The following THADA variants were observed in gnomAD, a reference collection of about 807,000 sequenced individuals.
THADA encodes the protein THADA armadillo repeat containing.
In THADA, 213 loss-of-function variants were observed where a neutral mutation model predicts 219.8. That is an observed-to-expected ratio of 0.97 (90% confidence interval 0.87 to 1.09). The LOEUF is 1.09. Ranked by LOEUF, THADA falls within the 50% of genes least tolerant of loss-of-function variation. THADA has a pLI of 0.00. For missense variants in THADA, 2,956 were observed against 2,311.3 expected, an observed-to-expected ratio of 1.28 and a Z score of -5.72; for synonymous variants, 1,018 against 828.9, an observed-to-expected ratio of 1.23 and a Z score of -3.92.
intron 23 of THADA, among the ~76,000 whole-genome samples, chr2:43,507,785 T>C (rs1481141049): frequency 6.6e-6 from 1 of 152,220 alleles, no homozygotes; most frequent in Non-Finnish European, 1.5e-5. Context: ...GGGTCTGATT[T>C]AGTATTGTGA....
chr2:43,504,327 T>C (rs567123191), intron 24 of THADA, among the ~76,000 whole-genome samples: 52 of 152,346 alleles, frequency 3.4e-4, no homozygotes, highest in African/African-American at 1.2e-3. Context: ...ATGTTCCATA[T>C]GACTGTGGAA....
At chr2:43,504,596 T>C (rs1689417846) in intron 24 of THADA, among the ~76,000 whole-genome samples, 1 of 152,178 alleles carries the variant, frequency 6.6e-6, no homozygotes, top group African/African-American at 2.4e-5. Flanking sequence ...TGTCCTACTA[T>C]AGGCTGGGCA....
chr2:43,428,276 G>A, intron 27 of THADA, 45 bp from the exon 28 acceptor site: 1 of 1,528,528 alleles, frequency 6.5e-7, no homozygotes, highest in Non-Finnish European at 8.9e-7. Flanking sequence ...CATTTAGGTA[G>A]TGAAGCACTC....
At chr2:43,491,240 C>T (rs140123568) in intron 25 of THADA, among the ~76,000 whole-genome samples, 290 of 152,274 alleles carry the variant, frequency 1.9e-3, no homozygotes, top group Non-Finnish European at 3.3e-3. Flanking sequence ...AATTCACTGA[C>T]AATAAATGCT....
intron 8 of THADA, among the ~76,000 whole-genome samples, chr2:43,580,131 T>A (rs1190663501): frequency 7.3e-5 from 11 of 151,338 alleles, no homozygotes; most frequent in Admixed American, 7.3e-4. Context: ...TTCAACTGAT[T>A]CCCCTGCCTC....
intron 27 of THADA, 127 bp from the exon 28 acceptor site, chr2:43,428,358 AGC>A: frequency 1.1e-6 from 1 of 914,168 alleles, no homozygotes; most frequent in Non-Finnish European, 1.6e-6. Flanking sequence ...CTGTAATCCC[AGC>A]ACTTTGGGAG....
intron 34 of THADA, among the ~76,000 whole-genome samples, chr2:43,289,773 T>C (rs1674470658): frequency 6.6e-6 from 1 of 151,798 alleles, no homozygotes; most frequent in Non-Finnish European, 1.5e-5. Flanking sequence ...TGCCTCAGCT[T>C]CCTGAGCAGC....
At chr2:43,388,924 T>G (rs1034907194) in intron 29 of THADA, among the ~76,000 whole-genome samples, 1 of 152,302 alleles carries the variant, frequency 6.6e-6, no homozygotes, top group East Asian at 1.9e-4. Context: ...TTCTTACATT[T>G]TTAATCATAA....
intron 29 of THADA, among the ~76,000 whole-genome samples, chr2:43,371,229 A>G (rs987459883): frequency 2.0e-5 from 3 of 152,246 alleles, no homozygotes; most frequent in East Asian, 3.8e-4. Flanking sequence ...TATGAAGTAT[A>G]TAATTCCTTA....
chr2:43,531,806 T>C (rs1027946819), intron 21 of THADA, among the ~76,000 whole-genome samples: 4 of 152,158 alleles, frequency 2.6e-5, no homozygotes, highest in African/African-American at 9.7e-5. Flanking sequence ...TTTTTAGAGG[T>C]AACTATTAAT....
intron 36 of THADA, among the ~76,000 whole-genome samples, chr2:43,235,305 T>C (rs1057172498): frequency 6.6e-6 from 1 of 152,124 alleles, no homozygotes; most frequent in African/African-American, 2.4e-5. Flanking sequence ...GTTGTTGTTT[T>C]GTCTTGAGAC....
chr2:43,553,913 T>A (rs201972462), intron 17 of THADA, among the ~76,000 whole-genome samples: 2 of 152,224 alleles, frequency 1.3e-5, no homozygotes, highest in East Asian at 3.8e-4. Context: ...CATGTGTATA[T>A]CTTCTTTGGA....
rs184980688 is a variant in THADA, at chr2:43,349,630, C to G, written c.4228-5393G>C. Among the ~76,000 whole-genome samples the G allele has an allele frequency of 7.2e-5, 11 of 152,204 alleles. No individual in the cohort carries two copies. The East Asian group carries it at 2.1e-3, about 29-fold the overall frequency. ...TTATAAAATCAACAGCAGCTGAGCT[C>G]CAGAAACCAGCAGGATCCAGCAATA... On this transcript the variant is annotated intron_variant, in intron 29 of 37. Transcript: ENST00000405975.
chr2:43,417,182 C>A (rs1156260868), intron 28 of THADA, among the ~76,000 whole-genome samples: 2 of 144,966 alleles, frequency 1.4e-5, no homozygotes, highest in African/African-American at 5.1e-5. Flanking sequence ...TTTTTTTTTT[C>A]TAGCAACCCT....
At chr2:43,432,074 TCTCGATCTCCTGAC>T (rs1679418828) in intron 26 of THADA, among the ~76,000 whole-genome samples, 1 of 135,724 alleles carries the variant, frequency 7.4e-6, no homozygotes, top group African/African-American at 3.2e-5. Flanking sequence ...GCCGGGATGG[TCTCGATCTCCTGAC>T]CTCGTGATCC....
At chr2:43,467,519 C>T (rs922307545) in intron 26 of THADA, among the ~76,000 whole-genome samples, 3 of 152,184 alleles carry the variant, frequency 2.0e-5, no homozygotes, top group African/African-American at 7.2e-5. Context: ...TACCTACCCA[C>T]ACAGCAAATA....
chr2:43,586,301 G>A, intron 7 of THADA, 100 bp downstream of exon 7: 1 of 965,448 alleles, frequency 1.0e-6, no homozygotes, highest in African/African-American at 1.7e-5. Context: ...AATGAAAAGG[G>A]ATGAAAAGAT....
intron 36 of THADA, among the ~76,000 whole-genome samples, chr2:43,263,005 C>T (rs139413641): frequency 1.3e-5 from 2 of 152,302 alleles, no homozygotes; most frequent in Non-Finnish European, 1.5e-5. Flanking sequence ...CCATAGAGAG[C>T]CAAGTCAGCA....
intron 30 of THADA, among the ~76,000 whole-genome samples, chr2:43,321,672 T>C (rs1678733068): frequency 6.6e-6 from 1 of 152,176 alleles, no homozygotes; most frequent in Admixed American, 6.5e-5. Context: ...TCTGTTACAA[T>C]AAATACAATA....
Sources: gnomAD v4.1 joint callset for allele counts (sites outside exome capture counted in the v4.1 genomes callset) on GRCh38, gnomAD v4.1.1 for gene constraint, MANE v1.5 for transcripts, NCBI Gene and HGNC (gene_info 2026-07-23, HGNC 2026-07-21) for gene names.